Variants in ETV7 observed in about 807,000 individuals in gnomAD.
ETV7 encodes transcription factor ETV7.
ETV7 carries 43 observed loss-of-function variants against 39.1 expected under a neutral mutation model. That is an observed-to-expected ratio of 1.10 (90% CI 0.86 to 1.42). ETV7 has a LOEUF of 1.42. Among genes scored for constraint, ETV7 ranks in the 40% most tolerant of loss-of-function variants. ETV7 has a pLI of 0.00. For synonymous variants in ETV7, 196 were observed against 176.6 expected (o/e 1.11, Z -0.87); for missense variants, 432 against 442.3 (o/e 0.98, Z 0.21).
intron 2 of ETV7, among the ~76,000 whole-genome samples, chr6:36,383,159 C>T (rs1446603226): frequency 6.6e-6 from 1 of 152,198 alleles, no homozygotes; most frequent in Non-Finnish European, 1.5e-5. Context: ...GCAGCTGCGT[C>T]CCCCCATAGC....
chr6:36,363,065 G>A (rs922726279), downstream of ETV7, among the ~76,000 whole-genome samples: 34 of 152,044 alleles, frequency 2.2e-4, no homozygotes, highest in African/African-American at 7.7e-4. Flanking sequence ...GTAAAATGAG[G>A]GCCTGGATAA....
chr6:36,371,765 A>T (rs142790397), intron 4 of ETV7, among the ~76,000 whole-genome samples: 63 of 152,360 alleles, frequency 4.1e-4, no homozygotes, highest in African/African-American at 1.4e-3. Context: ...GCTCCCACAC[A>T]AGTAACAACC....
chr6:36,364,925 C>G (rs1296632010), downstream of ETV7, among the ~76,000 whole-genome samples: 4 of 152,248 alleles, frequency 2.6e-5, no homozygotes, highest in Non-Finnish European at 4.4e-5. Context: ...TGCCTGCCCC[C>G]CTGCCGGTGA....
chr6:36,386,513 G>A (rs1266364668), intron 1 of ETV7, among the ~76,000 whole-genome samples: 2 of 152,234 alleles, frequency 1.3e-5, no homozygotes, highest in Non-Finnish European at 2.9e-5. Flanking sequence ...GTAGGAATAG[G>A]AAGCTCCTTC....
chr6:36,365,391 A>G (rs111701607), downstream of ETV7, among the ~76,000 whole-genome samples: 6,230 of 152,336 alleles, frequency 0.041, 174 homozygotes, highest in Non-Finnish European at 0.063. Flanking sequence ...GCAGGCAAAC[A>G]TTAAGCATTT....
chr6:36,373,909 CTG>C (rs1773173517), intron 3 of ETV7, among the ~76,000 whole-genome samples: 1 of 152,230 alleles, frequency 6.6e-6, no homozygotes, highest in South Asian at 2.1e-4. Context: ...AGTGCATAAA[CTG>C]TGCAACTGTA....
At chr6:36,373,631 G>A in intron 3 of ETV7, 53 bp from the exon 4 acceptor site, 1 of 1,486,600 alleles carries the variant, frequency 6.7e-7, no homozygotes, top group Non-Finnish European at 8.9e-7. Flanking sequence ...CGTGGGGAGG[G>A]CCAGCCTCAT....
chr6:36,385,906 A>G (rs766665759), intron 1 of ETV7, among the ~76,000 whole-genome samples: 15 of 152,174 alleles, frequency 9.9e-5, no homozygotes, highest in Non-Finnish European at 2.1e-4. Flanking sequence ...CATGTGCCTA[A>G]CTCCAAGAGG....
chr6:36,376,543 C>A (rs113859861), intron 2 of ETV7, among the ~76,000 whole-genome samples: 1 of 152,018 alleles, frequency 6.6e-6, no homozygotes, highest in Admixed American at 6.5e-5. Context: ...TTTGGGAGGC[C>A]GAGGCGGGTG....
chr6:36,359,861 G>A (rs940886848), intron 7 of ETV7, among the ~76,000 whole-genome samples: 1 of 152,012 alleles, frequency 6.6e-6, no homozygotes, highest in Non-Finnish European at 1.5e-5. Flanking sequence ...GAAGGGTGGT[G>A]TAACTAAAGC....
At chr6:36,363,942 C>T (rs924003967), downstream of ETV7, among the ~76,000 whole-genome samples, 1 of 151,740 alleles carries the variant, frequency 6.6e-6, no homozygotes, top group Non-Finnish European at 1.5e-5. Context: ...GGTGTATTTA[C>T]AATCCCTGAG....
downstream of ETV7, among the ~76,000 whole-genome samples, chr6:36,363,640 GC>G (rs1272740114): frequency 6.6e-6 from 1 of 152,244 alleles, no homozygotes; most frequent in East Asian, 1.9e-4. Context: ...AGCTGGGGCA[GC>G]CTGCTTTTAT....
Position 36,367,202 on chromosome 6 carries a change from G to T in ETV7, c.808-227C>A, listed in dbSNP as rs564774924. The stretch of plus-strand genomic sequence containing the variant: ...TCACACCTGTAATCCCAACACTTTG[G>T]GAGGCCTAGGTGGGCAGATCGCTTG... On this transcript the variant is annotated intron_variant, in intron 6 of 7. Transcript: ENST00000340181. Among the ~76,000 whole-genome samples, 54 of 152,290 alleles carry T rather than the reference G, an allele frequency of 3.5e-4. 2 individuals carry two copies. In the South Asian group the frequency reaches 0.011, roughly 32 times the overall value.
At chr6:36,377,908 G>C (rs1773457298) in intron 2 of ETV7, among the ~76,000 whole-genome samples, 3 of 152,228 alleles carry the variant, frequency 2.0e-5, no homozygotes, top group South Asian at 4.1e-4. Context: ...GTGAGGAAAG[G>C]TTTCCTTTAC....
At chr6:36,387,003 C>T (rs1478636111) in intron 1 of ETV7, 1 of 174,256 alleles carries the variant, frequency 5.7e-6, no homozygotes, top group African/African-American at 2.4e-5. Flanking sequence ...GAGGATCAGA[C>T]TCCTGGGTTT....
At chr6:36,361,890 C>T (rs1008017275), downstream of ETV7, among the ~76,000 whole-genome samples, 3 of 152,210 alleles carry the variant, frequency 2.0e-5, no homozygotes, top group Admixed American at 6.5e-5. Context: ...TGGCTGGGTG[C>T]GGTGGCTCAC....
At chr6:36,366,789 C>A in intron 7 of ETV7, 27 bp from the exon 8 acceptor site, 4 of 1,613,954 alleles carry the variant, frequency 2.5e-6, no homozygotes, top group Non-Finnish European at 2.5e-6. Context: ...AACTGCAAAT[C>A]AGCTCCTGCC....
intron 7 of ETV7, among the ~76,000 whole-genome samples, chr6:36,356,818 C>T (rs1379806558): frequency 6.6e-6 from 1 of 152,226 alleles, no homozygotes; most frequent in Non-Finnish European, 1.5e-5. Context: ...CATTACTTCA[C>T]AGCCAGTCTC....
At chr6:36,372,061 A>G (rs1033063410) in intron 4 of ETV7, among the ~76,000 whole-genome samples, 1 of 152,242 alleles carries the variant, frequency 6.6e-6, no homozygotes, top group African/African-American at 2.4e-5. Flanking sequence ...GGTGAAAAAA[A>G]TAAATCACCC....
Sources: allele counts gnomAD v4.1 joint callset (sites outside exome capture counted in the v4.1 genomes callset), GRCh38; gene constraint gnomAD v4.1.1; transcripts MANE v1.5; gene names NCBI Gene and HGNC (gene_info 2026-07-23, HGNC 2026-07-21).